TNFSF4: variants seen among roughly 807,000 people sequenced by gnomAD.
TNFSF4 encodes tumor necrosis factor ligand superfamily member 4.
A neutral mutation model predicts 7.3 loss-of-function variants in TNFSF4; 4 were observed. The ratio of observed to expected loss-of-function variants is 0.55; its 90% CI spans 0.27 to 1.25. The LOEUF is 1.25. TNFSF4 is among the 50% of genes most tolerant of loss of function. The pLI, the probability that TNFSF4 is intolerant of heterozygous loss-of-function variation, is 0.12. For missense variants in TNFSF4, 181 were observed against 208.8 expected (o/e 0.87, Z 0.82); for synonymous variants, 76 against 83.7 (o/e 0.91, Z 0.50).
At chr1:173,335,637 T>C in the TNFSF4 span, among the ~76,000 whole-genome samples, 1 of 152,190 alleles carries the variant, frequency 6.6e-6, no homozygotes, top group Non-Finnish European at 1.5e-5. Flanking sequence ...TAAGTAGAAA[T>C]GTTCTAGGTC....
At chr1:173,292,184 A>G in the TNFSF4 span, among the ~76,000 whole-genome samples, 4 of 152,154 alleles carry the variant, frequency 2.6e-5, no homozygotes, top group African/African-American at 9.7e-5. Context: ...ACACAAGGAA[A>G]AAAAACTTCA....
At chr1:173,249,516 T>C in the TNFSF4 span, among the ~76,000 whole-genome samples, 1 of 152,220 alleles carries the variant, frequency 6.6e-6, no homozygotes, top group South Asian at 2.1e-4. Context: ...TGTGATGTCA[T>C]TCTTTTAGCA....
intron 1 of TNFSF4, among the ~76,000 whole-genome samples, chr1:173,191,216 A>T (rs985562788): frequency 6.6e-6 from 1 of 152,190 alleles, no homozygotes; most frequent in Non-Finnish European, 1.5e-5. Flanking sequence ...ACAGGCAGTG[A>T]GTGAGTAAAG....
chr1:173,394,182 A>C, the TNFSF4 span, among the ~76,000 whole-genome samples: 2 of 149,964 alleles, frequency 1.3e-5, no homozygotes, highest in South Asian at 4.3e-4. Context: ...CAGGAGTTCA[A>C]GGCCAGCCTG....
chr1:173,280,350 C>G, the TNFSF4 span, among the ~76,000 whole-genome samples: 2 of 152,086 alleles, frequency 1.3e-5, no homozygotes, highest in Admixed American at 1.3e-4. Flanking sequence ...TATGAATTCC[C>G]TGAGTTCAAG....
chr1:173,207,162 T>C lies in TNFSF4; in HGVS notation c.15A>G (p.Gln5=), dbSNP rs1406436814. The C allele has an allele frequency of 3.1e-6, 5 of 1,612,160 alleles. No individual in the cohort carries two copies. The highest frequency in any genetic ancestry group is 1.6e-4 in the Middle Eastern group (1 of 6,070). The change falls in exon 1 of 3, where the codon CAA becomes CAG. Residue 5 remains glutamine (Q), a synonymous_variant. Coordinates refer to ENST00000281834, the MANE Select transcript of TNFSF4 (RefSeq NM_003326.5). MERV[Q]PLEENVGNAA... ...CATTTCCCACATTCTCTTCCAGGGG[T>C]TGGACCCTTTCCATCTTCACAATCT...
At chr1:173,377,008 G>A in the TNFSF4 span, among the ~76,000 whole-genome samples, 1 of 152,138 alleles carries the variant, frequency 6.6e-6, no homozygotes, top group East Asian at 1.9e-4. Context: ...GCTAGACCAT[G>A]AACCCATCAG....
the TNFSF4 span, among the ~76,000 whole-genome samples, chr1:173,359,866 C>T: frequency 6.6e-6 from 1 of 152,206 alleles, no homozygotes; most frequent in Non-Finnish European, 1.5e-5. Flanking sequence ...GTGAGCACCC[C>T]ACGTGCTCCC....
At chr1:173,394,963 C>CAGAT in the TNFSF4 span, among the ~76,000 whole-genome samples, 1 of 149,956 alleles carries the variant, frequency 6.7e-6, no homozygotes, top group African/African-American at 2.5e-5. Flanking sequence ...GACAGACAGA[C>CAGAT]AGACAGATAG....
downstream of TNFSF4, among the ~76,000 whole-genome samples, chr1:173,178,870 T>A (rs34691426): frequency 7.7e-3 from 1,171 of 152,262 alleles, 21 homozygotes; most frequent in East Asian, 0.054. Context: ...ATGTAACCAT[T>A]TTTTATAAGA....
At chr1:173,251,058 G>A in the TNFSF4 span, among the ~76,000 whole-genome samples, 1 of 152,142 alleles carries the variant, frequency 6.6e-6, no homozygotes, top group Non-Finnish European at 1.5e-5. Flanking sequence ...ACTGGGGATG[G>A]GGCTAAGCAG....
At chr1:173,299,231 G>A in the TNFSF4 span, among the ~76,000 whole-genome samples, 1 of 151,894 alleles carries the variant, frequency 6.6e-6, no homozygotes. Flanking sequence ...GCTTTTAGGA[G>A]TATTGACAGC....
the TNFSF4 span, among the ~76,000 whole-genome samples, chr1:173,441,083 T>C: frequency 1.3e-5 from 2 of 152,128 alleles, no homozygotes; most frequent in Non-Finnish European, 2.9e-5. Context: ...AGGGGTAACC[T>C]CCTCTCAGGG....
At chr1:173,388,066 T>A in the TNFSF4 span, among the ~76,000 whole-genome samples, 1 of 152,216 alleles carries the variant, frequency 6.6e-6, no homozygotes, top group Non-Finnish European at 1.5e-5. Context: ...ACCTTTCACA[T>A]TGGTTCAGGA....
chr1:173,310,305 C>G, the TNFSF4 span, among the ~76,000 whole-genome samples: 1 of 151,928 alleles, frequency 6.6e-6, no homozygotes, highest in Non-Finnish European at 1.5e-5. Flanking sequence ...CCTCCAAACA[C>G]TGCTTTAGCA....
At chr1:173,414,873 G>C in the TNFSF4 span, among the ~76,000 whole-genome samples, 1 of 152,184 alleles carries the variant, frequency 6.6e-6, no homozygotes, top group African/African-American at 2.4e-5. Context: ...CTCCCTCCTT[G>C]ACCAAACTTT....
the TNFSF4 span, among the ~76,000 whole-genome samples, chr1:173,373,983 T>G: frequency 6.6e-6 from 1 of 152,186 alleles, no homozygotes; most frequent in Non-Finnish European, 1.5e-5. Flanking sequence ...TCACTGCACC[T>G]GCAGGCCACA....
chr1:173,173,651 C>G, the TNFSF4 span, among the ~76,000 whole-genome samples: 1 of 152,238 alleles, frequency 6.6e-6, no homozygotes, highest in Admixed American at 6.5e-5. Flanking sequence ...AGGCCCAACA[C>G]CATATGTAAG....
intron 1 of TNFSF4, among the ~76,000 whole-genome samples, chr1:173,197,318 AGCAACCCCATTACTGGGTAT>A (rs1157456441): frequency 6.6e-6 from 1 of 152,262 alleles, no homozygotes; most frequent in African/African-American, 2.4e-5. Flanking sequence ...CATTTGACCC[AGCAACCCCATTACTGGGTAT>A]ATACCCAAAG....
Sources: gnomAD v4.1 joint callset for allele counts (sites outside exome capture counted in the v4.1 genomes callset) on GRCh38, gnomAD v4.1.1 for gene constraint, MANE v1.5 for transcripts, NCBI Gene and HGNC (gene_info 2026-07-23, HGNC 2026-07-21) for gene names.